The following CAPRIN1 variants were observed in gnomAD, a reference collection of about 807,000 sequenced individuals.
CAPRIN1 encodes the protein cell cycle associated protein 1, also known as caprin-1.
CAPRIN1 carries 29 observed loss-of-function variants against 100.9 expected under a neutral mutation model. That is an observed-to-expected ratio of 0.29 (90% CI 0.21 to 0.39). The LOEUF is 0.39. CAPRIN1 is among the 10% of genes least tolerant of loss of function. The pLI is 1.00. For missense variants in CAPRIN1, 795 were observed against 876.7 expected, an observed-to-expected ratio of 0.91 and a Z score of 1.18; for synonymous variants, 338 against 307.5, an observed-to-expected ratio of 1.10 and a Z score of -1.04.
chr11:34,072,155 CTT>C (rs1366975538), intron 4 of CAPRIN1, among the ~76,000 whole-genome samples, 168 bp downstream of exon 4: 2 of 152,010 alleles, frequency 1.3e-5, no homozygotes, highest in Non-Finnish European at 2.9e-5. Flanking sequence ...TGAAAGATGT[CTT>C]TTAAAAATAC....
chr11:34,096,463 CT>C lies in CAPRIN1; in HGVS notation c.1706-10del. Reference sequence around the variant, plus strand: ...GAGCTGTTTATGTATATATCTTTTTCTTTTTTAAATTATAGTGGTTGGCACT... The same window carrying C: ...GAGCTGTTTATGTATATATCTTTTTCTTTTTAAATTATAGTGGTTGGCACT... On this transcript the variant is annotated splice_polypyrimidine_tract_variant and intron_variant, in intron 15 of 18. Coordinates refer to ENST00000341394, the MANE Select transcript of CAPRIN1 (RefSeq NM_005898.5). 6.2e-7 allele frequency: 1 copy of C among 1,605,050 alleles called. No homozygotes were observed. Among genetic ancestry groups the C allele is most frequent in the Non-Finnish European group, 8.5e-7 (1 of 1,173,282 alleles).
Position 34,083,029 on chromosome 11 carries a change from T to G in CAPRIN1, c.954T>G (p.Val318=). 1 of 1,612,856 alleles carries G rather than the reference T, an allele frequency of 6.2e-7. No individual in the cohort carries two copies. The highest frequency in any genetic ancestry group is 8.5e-7 in the Non-Finnish European group (1 of 1,178,888). ...GEKEQVDEWT[V]ETVEVVNSLQ... ...AGGAGCAGGTAGATGAGTGGACAGT[T>G]GAAACGGTTGAGGTAAGAGTTCTCT... The change falls in exon 9 of 19, where the codon GTT becomes GTG. Residue 318 remains valine, a synonymous_variant. Transcript: ENST00000341394.
intron 7 of CAPRIN1, among the ~76,000 whole-genome samples, chr11:34,082,280 C>T (rs542004184): frequency 1.3e-5 from 2 of 152,108 alleles, no homozygotes; most frequent in South Asian, 4.2e-4. Flanking sequence ...CTCCATCTCC[C>T]AGGTTCAAGC....
rs1851137147 is a variant in CAPRIN1, at chr11:34,086,081, G to C, written c.984G>C (p.Gln328His). The C allele has an allele frequency of 1.2e-6, 2 of 1,613,690 alleles. No individual in the cohort carries two copies. Among genetic ancestry groups the C allele is most frequent in the Non-Finnish European group, 1.7e-6 (2 of 1,179,890 alleles). The change falls in exon 10 of 19, where the codon CAG (glutamine) becomes CAC (histidine). Residue 328 changes from glutamine to histidine, a missense_variant. Transcript: ENST00000341394. ...TACCTTAGGTGGTAAATTCACTCCAGCAGCAACCTCAGGCTGCATCCCCTT... is the reference window on the plus strand; with the variant it reads ...TACCTTAGGTGGTAAATTCACTCCACCAGCAACCTCAGGCTGCATCCCCTT... ...VETVEVVNSL[Q>H]QQPQAASPSV...
At position 34,099,302 on chromosome 11, in the gene CAPRIN1, G is replaced by T; in HGVS notation, c.2066-1G>T. On this transcript the variant is annotated splice_acceptor_variant, in intron 18 of 18. Coordinates refer to ENST00000341394, the MANE Select transcript of CAPRIN1 (RefSeq NM_005898.5). LOFTEE classifies it high-confidence loss of function. ...AATCAAATGCCATTTTTGTCTTCTA[G>T]GTCGTGGAGGGCCCCCAAGACCCAA... The T allele has an allele frequency of 1.2e-6, 2 of 1,613,730 alleles. No individual in the cohort carries two copies. The highest frequency in any genetic ancestry group is 1.7e-6 in the Non-Finnish European group (2 of 1,179,696).
intron 2 of CAPRIN1, among the ~76,000 whole-genome samples, chr11:34,069,106 T>C (rs1023189074): frequency 7.3e-5 from 11 of 151,526 alleles, no homozygotes; most frequent in Admixed American, 5.9e-4. Flanking sequence ...GATTATAATA[T>C]TATTATTTTG....
At chr11:34,077,251 T>G (rs1261925181) in intron 6 of CAPRIN1, among the ~76,000 whole-genome samples, 2 of 152,180 alleles carry the variant, frequency 1.3e-5, no homozygotes, top group African/African-American at 2.4e-5. Flanking sequence ...GTGTTTGAGG[T>G]GGACAGATTA....
chr11:34,051,867 G>A lies in CAPRIN1; in HGVS notation c.-5G>A. 1 of 152,574 alleles carries A rather than the reference G, an allele frequency of 6.6e-6. No homozygotes were observed. The highest frequency in any genetic ancestry group is 1.5e-5 in the Non-Finnish European group (1 of 68,348). The allele number at this position is 152,574 out of a possible 1,614,324, so 9.5% of individuals were successfully genotyped here. ...GTGATTTCCAGCGGCCTCCGCGCGC[G>A]CACGGTGAGCGCCACCCGGGACCGA... On this transcript the variant is annotated 5_prime_UTR_variant, in exon 1 of 19. Coordinates refer to ENST00000341394, the MANE Select transcript of CAPRIN1 (RefSeq NM_005898.5).
At chr11:34,088,997 G>A (rs1851205870) in intron 11 of CAPRIN1, among the ~76,000 whole-genome samples, 1 of 151,966 alleles carries the variant, frequency 6.6e-6, no homozygotes, top group African/African-American at 2.4e-5. Flanking sequence ...TGCTGGGCAT[G>A]GTGGTTCATT....
chr11:34,083,688 C>T (rs1375067496), intron 9 of CAPRIN1, among the ~76,000 whole-genome samples: 3 of 152,164 alleles, frequency 2.0e-5, no homozygotes, highest in Admixed American at 2.0e-4. Context: ...TTTTAGATGT[C>T]TTTCTTTACA....
In CAPRIN1 at chr11:34,077,240, T is replaced by C. The variant is rs144692166; in HGVS notation, c.688+598T>C. The stretch of plus-strand genomic sequence containing the variant: ...CACATGGTCTTGTATGTAACTTAAC[T>C]GTGTTTGAGGTGGACAGATTAACAT... On this transcript the variant is annotated intron_variant, in intron 6 of 18. Transcript: ENST00000341394. 2.6e-5 allele frequency among the ~76,000 whole-genome samples: 4 copies of C among 152,344 alleles called. No individual in the cohort carries two copies. The East Asian group carries it at 7.7e-4, about 29-fold the overall frequency.
chr11:34,066,139 C>T (rs1252910198), intron 2 of CAPRIN1, among the ~76,000 whole-genome samples: 1 of 151,958 alleles, frequency 6.6e-6, no homozygotes, highest in Non-Finnish European at 1.5e-5. Context: ...CCAGGCCCGG[C>T]TACTTTTTGT....
At chr11:34,095,727 A>G (rs1480002839) in intron 15 of CAPRIN1, 1 of 152,160 alleles carries the variant, frequency 6.6e-6, no homozygotes, top group African/African-American at 2.4e-5. Context: ...AATTATAAAC[A>G]TTGTTCTGTA....
intron 18 of CAPRIN1, chr11:34,098,510 C>G (rs1851404538): frequency 7.1e-6 from 7 of 985,298 alleles, no homozygotes; most frequent in Non-Finnish European, 8.4e-6. Context: ...GGTTAAACAT[C>G]AAACAGGTTT....
chr11:34,084,078 C>A (rs902832649), intron 9 of CAPRIN1, among the ~76,000 whole-genome samples: 1 of 152,048 alleles, frequency 6.6e-6, no homozygotes, highest in Non-Finnish European at 1.5e-5. Flanking sequence ...AAGAAAAAAA[C>A]CCATTTTCCA....
chr11:34,056,718 A>G (rs1850460297), intron 2 of CAPRIN1: 1 of 152,204 alleles, frequency 6.6e-6, no homozygotes, highest in African/African-American at 2.4e-5. Flanking sequence ...AGATGTAATC[A>G]GTTGTGATAT....
chr11:34,072,399 C>CTA (rs1361873539), intron 4 of CAPRIN1, among the ~76,000 whole-genome samples: 1 of 151,654 alleles, frequency 6.6e-6, no homozygotes, highest in Non-Finnish European at 1.5e-5. Context: ...AGTAGCTATG[C>CTA]TAAAGGTCTC....
chr11:34,061,327 C>T (rs1850574608), intron 2 of CAPRIN1, among the ~76,000 whole-genome samples: 1 of 151,532 alleles, frequency 6.6e-6, no homozygotes. Flanking sequence ...CTGCCTAAGC[C>T]TCCCAAGTAG....
Position 34,100,830 on chromosome 11 carries a change from A to C in CAPRIN1, c.*1463A>C, listed in dbSNP as rs947500650. The C allele has an allele frequency of 1.3e-5, 2 of 152,634 alleles. No individual in the cohort carries two copies. The highest frequency in any genetic ancestry group is 2.9e-5 in the Non-Finnish European group (2 of 68,028). 9.5% of individuals were successfully genotyped at this position (152,634 alleles called of 1,614,324 possible). On this transcript the variant is annotated 3_prime_UTR_variant, in exon 19 of 19. Coordinates refer to ENST00000341394, the MANE Select transcript of CAPRIN1 (RefSeq NM_005898.5). ...CTAGTTCTGTGTGCCTAGGAAGTTA[A>C]TGCTGCTTATTGTCTCATTCTGACT...
Sources: allele counts gnomAD v4.1 joint callset (sites outside exome capture counted in the v4.1 genomes callset), GRCh38; gene constraint gnomAD v4.1.1; transcripts MANE v1.5; gene names NCBI Gene and HGNC (gene_info 2026-07-23, HGNC 2026-07-21).